The following KIAA1217 variants were observed in gnomAD, a reference collection of about 807,000 sequenced individuals.
KIAA1217 encodes sickle tail protein homolog.
KIAA1217 carries 88 observed loss-of-function variants against 163.9 expected under a neutral mutation model. That is an observed-to-expected ratio of 0.54 (90% CI 0.45 to 0.64). The LOEUF is 0.64. Ranked by LOEUF, KIAA1217 falls within the 30% of genes least tolerant of loss-of-function variation. The probability of loss-of-function intolerance (pLI) is 0.00; values close to 1 mark genes in which losing one functional copy is unlikely to be tolerated. For synonymous variants in KIAA1217, 903 were observed against 923.1 expected (o/e 0.98, Z 0.39); for missense variants, 2,372 against 2,475.0 (o/e 0.96, Z 0.88).
chr10:24,190,558 T>G (rs1486004186), intron 2 of KIAA1217, among the ~76,000 whole-genome samples: 1 of 152,154 alleles, frequency 6.6e-6, no homozygotes, highest in Non-Finnish European at 1.5e-5. Context: ...AGGATTGCCC[T>G]GGTTGACAAA....
At chr10:24,488,897 T>C (rs1313268953) in intron 6 of KIAA1217, among the ~76,000 whole-genome samples, 1 of 152,152 alleles carries the variant, frequency 6.6e-6, no homozygotes, top group Non-Finnish European at 1.5e-5. Context: ...ATTGACATTG[T>C]CAAAGAAAGG....
intron 10 of KIAA1217, among the ~76,000 whole-genome samples, chr10:24,516,017 G>A (rs1275848570): frequency 6.6e-6 from 1 of 152,234 alleles, no homozygotes; most frequent in African/African-American, 2.4e-5. Flanking sequence ...GCTGCAGTGA[G>A]CTATGACTGC....
intron 14 of KIAA1217, 109 bp downstream of exon 14, chr10:24,528,228 T>C: frequency 1.2e-6 from 1 of 803,694 alleles, no homozygotes; most frequent in Non-Finnish European, 1.9e-6. Context: ...TCTCAGTTCT[T>C]ACAAATCTTA....
intron 2 of KIAA1217, among the ~76,000 whole-genome samples, chr10:24,043,895 G>C (rs982993239): frequency 6.6e-6 from 1 of 151,964 alleles, no homozygotes; most frequent in African/African-American, 2.4e-5. Context: ...TTTGATAAAA[G>C]GTCTGGGTTG....
intron 3 of KIAA1217, among the ~76,000 whole-genome samples, chr10:24,397,509 A>G (rs1429906803): frequency 6.6e-6 from 1 of 152,196 alleles, no homozygotes; most frequent in Non-Finnish European, 1.5e-5. Flanking sequence ...CAAGATTGGA[A>G]CCCAAGCAGC....
chr10:23,745,846 A>G (rs577747406), intron 1 of KIAA1217, among the ~76,000 whole-genome samples: 3 of 152,346 alleles, frequency 2.0e-5, no homozygotes, highest in African/African-American at 4.8e-5. Flanking sequence ...ACAATGAGCA[A>G]TGAATAAAAT....
intron 2 of KIAA1217, among the ~76,000 whole-genome samples, chr10:24,377,298 C>T (rs951447698): frequency 6.6e-6 from 1 of 152,160 alleles, no homozygotes; most frequent in African/African-American, 2.4e-5. Flanking sequence ...TGTCATGGAT[C>T]TCCATGGAGC....
intron 1 of KIAA1217, among the ~76,000 whole-genome samples, chr10:23,796,356 T>TTTATTTAC (rs1053590021): frequency 6.6e-6 from 1 of 151,560 alleles, no homozygotes; most frequent in Non-Finnish European, 1.5e-5. Flanking sequence ...TATTTATTTA[T>TTTATTTAC]TTATTTATTT....
rs142335280 is a variant in KIAA1217 at position 24,264,907 on chromosome 10, A to G, written c.354+44998A>G. Among the ~76,000 whole-genome samples the G allele has an allele frequency of 4.1e-3, 614 of 151,196 alleles. 6 individuals carry two copies. Among genetic ancestry groups the G allele is most frequent in the African/African-American group, 0.014 (586 of 41,146 alleles). On this transcript the variant is annotated intron_variant, in intron 2 of 20. Coordinates refer to ENST00000376454, the MANE Select transcript of KIAA1217 (RefSeq NM_019590.5). ...CATTCTGTTGCCCTGGCTAGAGTAC[A>G]ATGGCACAATCCTAGCTCACTGCAG...
At chr10:23,736,275 G>A (rs1838797537) in intron 1 of KIAA1217, among the ~76,000 whole-genome samples, 1 of 152,178 alleles carries the variant, frequency 6.6e-6, no homozygotes, top group African/African-American at 2.4e-5. Context: ...GTTGTGATAT[G>A]TGCAGTATGG....
intron 2 of KIAA1217, among the ~76,000 whole-genome samples, chr10:24,040,826 C>G (rs1051483062): frequency 1.3e-5 from 2 of 152,112 alleles, no homozygotes; most frequent in East Asian, 3.9e-4. Flanking sequence ...TTGAAAAAGA[C>G]GGGCTAAGGA....
chr10:23,904,558 A>G (rs780543859), intron 1 of KIAA1217, among the ~76,000 whole-genome samples: 1 of 152,106 alleles, frequency 6.6e-6, no homozygotes, highest in African/African-American at 2.4e-5. Flanking sequence ...CTTCCACATC[A>G]AGGTGAGCTA....
At chr10:24,363,463 CTGTT>C (rs2050292376) in intron 2 of KIAA1217, among the ~76,000 whole-genome samples, 1 of 151,838 alleles carries the variant, frequency 6.6e-6, no homozygotes, top group South Asian at 2.1e-4. Context: ...AAATGCTCTT[CTGTT>C]TAATTTTTAC....
At chr10:24,273,745 G>A (rs1310408911) in intron 2 of KIAA1217, among the ~76,000 whole-genome samples, 4 of 151,282 alleles carry the variant, frequency 2.6e-5, no homozygotes, top group Non-Finnish European at 4.4e-5. Context: ...ACAGCTACTC[G>A]GGAGGCTTGA....
chr10:24,368,943 T>G (rs2051176319), intron 2 of KIAA1217: 1 of 794,836 alleles, frequency 1.3e-6, no homozygotes, highest in Non-Finnish European at 1.5e-6. Flanking sequence ...GTAGATATTC[T>G]GATTATTTTA....
At chr10:24,316,161 G>A (rs1348327957) in intron 2 of KIAA1217, among the ~76,000 whole-genome samples, 1 of 152,166 alleles carries the variant, frequency 6.6e-6, no homozygotes, top group Non-Finnish European at 1.5e-5. Context: ...TTCAGGTGCT[G>A]TGTGTACTCC....
chr10:24,146,734 C>A (rs1013520903), intron 2 of KIAA1217, among the ~76,000 whole-genome samples: 2 of 152,034 alleles, frequency 1.3e-5, no homozygotes, highest in Non-Finnish European at 2.9e-5. Context: ...GCAATAGGCC[C>A]AGCCTTTGTC....
chr10:23,821,144 A>C (rs1837604954), intron 1 of KIAA1217, among the ~76,000 whole-genome samples: 1 of 150,234 alleles, frequency 6.7e-6, no homozygotes, highest in Admixed American at 6.6e-5. Flanking sequence ...TGTGATACTA[A>C]GTGAAGAGAA....
In KIAA1217 at chr10:24,219,654, A is replaced by C; in HGVS notation, c.99A>C (p.Thr33=). The C allele has an allele frequency of 1.9e-6, 3 of 1,610,194 alleles. No individual in the cohort carries two copies. In the South Asian group the frequency reaches 3.3e-5, roughly 18 times the overall value. The change falls in exon 2 of 21, where the codon ACA becomes ACC. Residue 33 remains threonine, a synonymous_variant. Coordinates refer to ENST00000376454, the MANE Select transcript of KIAA1217 (RefSeq NM_019590.5). ...QEQGKGNLHV[T]SPEDAECRRT... is the part of the protein sequence containing the mutation. The stretch of plus-strand genomic sequence containing the variant: ...AAGGCAAAGGCAATCTGCATGTAAC[A>C]TCACCAGAAGATGCAGAATGCCGCA...
Sources: gnomAD v4.1 joint callset for allele counts (sites outside exome capture counted in the v4.1 genomes callset) on GRCh38, gnomAD v4.1.1 for gene constraint, MANE v1.5 for transcripts, NCBI Gene and HGNC (gene_info 2026-07-23, HGNC 2026-07-21) for gene names.